Variants in DNAH8 observed in about 807,000 individuals in gnomAD.
The protein encoded by DNAH8 is dynein axonemal heavy chain 8.
Under a neutral mutation model 562.1 loss-of-function variants are expected in DNAH8, and 382 were observed. That is an observed-to-expected ratio of 0.68 (90% CI 0.63 to 0.74). DNAH8 has a LOEUF of 0.74. Ranked by LOEUF, DNAH8 falls within the 30% of genes least tolerant of loss-of-function variation. The pLI, the probability that DNAH8 is intolerant of heterozygous loss-of-function variation, is 0.00. For missense variants in DNAH8, 5,203 were observed against 5,620.4 expected (o/e 0.93, Z 2.37); for synonymous variants, 1,881 against 1,919.4 (o/e 0.98, Z 0.52).
chr6:38,779,639 A>G (rs1768394138), intron 14 of DNAH8, among the ~76,000 whole-genome samples: 1 of 152,168 alleles, frequency 6.6e-6, no homozygotes, highest in Non-Finnish European at 1.5e-5. Context: ...CTCATCTTGT[A>G]ATCTGTTTGT....
chr6:38,950,560 C>T (rs1339478451), intron 81 of DNAH8, among the ~76,000 whole-genome samples: 3 of 151,822 alleles, frequency 2.0e-5, no homozygotes, highest in Non-Finnish European at 4.4e-5. Flanking sequence ...CTGCCTCAGC[C>T]TCCTGAGTAG....
rs369369821 is a variant in DNAH8, at chr6:38,909,768, A to G, written c.9740+24A>G. 16 of 1,573,538 alleles carry G rather than the reference A, an allele frequency of 1.0e-5. 1 individual carries two copies. The African/African-American group carries it at 1.6e-4, about 16-fold the overall frequency. The stretch of plus-strand genomic sequence containing the variant: ...AGGTAAGTGATATTACATAAGCACC[A>G]TCGCTATGGAACCACAGCATGTATT... On this transcript the variant is annotated intron_variant, in intron 65 of 92. Coordinates refer to ENST00000327475, the MANE Select transcript of DNAH8 (RefSeq NM_001206927.2).
rs771441470 is a variant in DNAH8, at chr6:38,822,916, A to C, written c.3602A>C (p.Lys1201Thr). ...GTAGCGGAGCACAAGGATATTTCTA[A>C]GTTGGTCCTGCTCCTTTCTTCCTCT... ...PGVAEHKDISKLVLLLSSSVN... is the reference protein window; with the variant it reads ...PGVAEHKDISTLVLLLSSSVN... The change falls in exon 27 of 93, where the codon AAG (lysine) becomes ACG (threonine). Residue 1201 changes from lysine to threonine, a missense_variant. Around this residue, in one of 6 missense-constraint regions of DNAH8, gnomAD observed 2,176 missense variants for 2,365.1 expected, o/e 0.92. Transcript: ENST00000327475. 6 of 1,613,484 alleles carry C rather than the reference A, an allele frequency of 3.7e-6. No homozygotes were observed. The highest frequency in any genetic ancestry group is 5.1e-6 in the Non-Finnish European group (6 of 1,179,802).
intron 24 of DNAH8, among the ~76,000 whole-genome samples, chr6:38,810,309 T>C (rs1771677671): frequency 6.6e-6 from 1 of 152,172 alleles, no homozygotes; most frequent in South Asian, 2.1e-4. Flanking sequence ...AAAGAAGTAC[T>C]GGCCAGGCGC....
chr6:38,904,919 G>A (rs1435283481), intron 62 of DNAH8, among the ~76,000 whole-genome samples: 2 of 151,990 alleles, frequency 1.3e-5, no homozygotes, highest in South Asian at 2.1e-4. Context: ...AGGAAGAGAA[G>A]AAGCACAGAG....
At chr6:38,953,213 C>T (rs1038782851) in intron 82 of DNAH8, 5 of 152,164 alleles carry the variant, frequency 3.3e-5, no homozygotes, top group Non-Finnish European at 7.3e-5. Context: ...GTCATGCACT[C>T]CTTTCTGGGC....
chr6:38,991,385 C>T (rs1431060329), intron 88 of DNAH8, among the ~76,000 whole-genome samples: 2 of 152,196 alleles, frequency 1.3e-5, no homozygotes, highest in African/African-American at 4.8e-5. Context: ...CATAAGTTAT[C>T]TGGGGATGGG....
At chr6:38,827,779 A>G (rs995969420) in intron 29 of DNAH8, among the ~76,000 whole-genome samples, 4 of 83,820 alleles carry the variant, frequency 4.8e-5, no homozygotes, top group African/African-American at 1.9e-4. Context: ...TTTGGTGAAG[A>G]CAATTACTGG....
intron 3 of DNAH8, 31 bp downstream of exon 3, chr6:38,723,502 T>G: frequency 1.3e-6 from 2 of 1,585,224 alleles, no homozygotes; most frequent in Non-Finnish European, 1.7e-6. Context: ...TATATTTTAA[T>G]TGCCCTTTGA....
At chr6:38,959,342 C>G (rs1215621193) in intron 82 of DNAH8, among the ~76,000 whole-genome samples, 1 of 152,068 alleles carries the variant, frequency 6.6e-6, no homozygotes, top group East Asian at 1.9e-4. Context: ...CAAATTGTCC[C>G]TATTTGTAGA....
intron 8 of DNAH8, among the ~76,000 whole-genome samples, chr6:38,743,011 T>TGTGC (rs544791966): frequency 2.3e-4 from 25 of 108,706 alleles, no homozygotes; most frequent in South Asian, 8.9e-4. Flanking sequence ...GTTGTGCTTT[T>TGTGC]TTTTTTTTTT....
chr6:38,920,961 GCT>G (rs976811335), intron 70 of DNAH8, among the ~76,000 whole-genome samples: 1 of 152,160 alleles, frequency 6.6e-6, no homozygotes, highest in Non-Finnish European at 1.5e-5. Context: ...TGCGATCACA[GCT>G]CACTGCAGCC....
At chr6:38,716,853 G>A (rs184272308) in intron 1 of DNAH8, 4 of 152,282 alleles carry the variant, frequency 2.6e-5, no homozygotes, top group Admixed American at 2.6e-4. Context: ...CTCACTTACT[G>A]TAGTATTCCT....
At chr6:38,884,846 G>A (rs187908634) in intron 56 of DNAH8, among the ~76,000 whole-genome samples, 2 of 152,224 alleles carry the variant, frequency 1.3e-5, no homozygotes, top group African/African-American at 4.8e-5. Flanking sequence ...ATCCACCCAG[G>A]TCATTCCCCA....
At position 38,894,350 on chromosome 6, in the gene DNAH8, T is replaced by C. The variant is rs76250400; in HGVS notation, c.8584-351T>C. ...TTTTGTTATGACATATTTCCACATATACTACCAATAATTAGGGATGATTAT... is the reference window on the plus strand; with the variant it reads ...TTTTGTTATGACATATTTCCACATACACTACCAATAATTAGGGATGATTAT... On this transcript the variant is annotated intron_variant, in intron 58 of 92. Coordinates refer to ENST00000327475, the MANE Select transcript of DNAH8 (RefSeq NM_001206927.2). Among the ~76,000 whole-genome samples the C allele has an allele frequency of 6.9e-3, 1,056 of 152,320 alleles. 15 individuals carry two copies. The highest frequency in any genetic ancestry group is 0.024 in the African/African-American group (986 of 41,558).
chr6:38,950,898 C>T, intron 81 of DNAH8, among the ~76,000 whole-genome samples: 1 of 152,108 alleles, frequency 6.6e-6, no homozygotes. Flanking sequence ...GACACTTATC[C>T]AATGTGTCTG....
chr6:38,787,949 A>AT lies in DNAH8; in HGVS notation c.2583+1005dup, dbSNP rs145726749. 0.014 allele frequency among the ~76,000 whole-genome samples: 2,154 copies of AT among 151,846 alleles called. 85 individuals carry two copies. In the East Asian group the frequency reaches 0.14, roughly 10 times the overall value. On this transcript the variant is annotated intron_variant, in intron 18 of 92. Transcript: ENST00000327475. ...CAGGAAAATATATAAATGCAAGGAC[A>AT]TTTTTTTTCCAGTACAATTAGTAAT...
chr6:38,804,279 C>A (rs375571779), intron 22 of DNAH8, among the ~76,000 whole-genome samples: 18 of 152,268 alleles, frequency 1.2e-4, no homozygotes, highest in Admixed American at 4.6e-4. Flanking sequence ...TTTAAGAACA[C>A]GGGACTTTTA....
intron 91 of DNAH8, among the ~76,000 whole-genome samples, chr6:39,020,111 T>A (rs1237358219): frequency 6.6e-6 from 1 of 152,130 alleles, no homozygotes; most frequent in Non-Finnish European, 1.5e-5. Context: ...AAATTACATT[T>A]TTAAATGGGT....
Sources: gnomAD v4.1 joint callset for allele counts (sites outside exome capture counted in the v4.1 genomes callset) on GRCh38, gnomAD v4.1.1 for gene constraint, gnomAD v4.1.1 regional missense constraint, MANE v1.5 for transcripts, NCBI Gene and HGNC (gene_info 2026-07-23, HGNC 2026-07-21) for gene names.